The following SCGB2B2 variants were observed in gnomAD, a reference collection of about 807,000 sequenced individuals.
SCGB2B2 encodes secretoglobin-like protein.
Under a neutral mutation model 7.6 loss-of-function variants are expected in SCGB2B2, and 11 were observed. That is an observed-to-expected ratio of 1.45 (90% confidence interval 0.91 to 2.40). The LOEUF is 2.40. Among genes scored for constraint, SCGB2B2 ranks in the 30% most tolerant of loss-of-function variants. The pLI is 0.00. For missense variants in SCGB2B2, 104 were observed against 115.4 expected, an observed-to-expected ratio of 0.90 and a Z score of 0.45; for synonymous variants, 50 against 48.6, an observed-to-expected ratio of 1.03 and a Z score of -0.12.
downstream of SCGB2B2, among the ~76,000 whole-genome samples, chr19:34,590,274 C>T (rs2065266731): frequency 6.6e-6 from 1 of 152,188 alleles, no homozygotes; most frequent in African/African-American, 2.4e-5. Context: ...CCCAGGTGTC[C>T]TCATGTCGTG....
intron 1 of SCGB2B2, chr19:34,608,685 A>ATATATATATATATATATATAT (rs1489127995): frequency 1.3e-4 from 17 of 131,492 alleles, no homozygotes; most frequent in South Asian, 2.6e-4. Context: ...ATATATATAT[A>ATATATATATATATATATATAT]CCGTATTTTC....
At chr19:34,668,687 C>T (rs1568444457) in intron 1 of SCGB2B2, among the ~76,000 whole-genome samples, 4 of 151,942 alleles carry the variant, frequency 2.6e-5, no homozygotes, top group Admixed American at 1.3e-4. Context: ...CTGTGTCTAG[C>T]TCAGGGTTTG....
chr19:34,602,674 C>T (rs1439821132), intron 1 of SCGB2B2, among the ~76,000 whole-genome samples: 3 of 152,230 alleles, frequency 2.0e-5, no homozygotes, highest in Non-Finnish European at 2.9e-5. Context: ...CTGCACCCCT[C>T]TACTGATGGT....
At chr19:34,620,470 T>C (rs28567833) in intron 1 of SCGB2B2, among the ~76,000 whole-genome samples, 15,085 of 128,446 alleles carry the variant, frequency 0.12, 844 homozygotes, top group Middle Eastern at 0.23. Flanking sequence ...TAGGTGGGAA[T>C]TGAACAATGA....
At chr19:34,670,307 T>A (rs1467610248) in intron 1 of SCGB2B2, among the ~76,000 whole-genome samples, 2 of 152,336 alleles carry the variant, frequency 1.3e-5, no homozygotes, top group Middle Eastern at 3.4e-3. Flanking sequence ...TGTTTACCTT[T>A]TCACAAACTG....
At chr19:34,614,246 T>C (rs2066009155) in intron 1 of SCGB2B2, among the ~76,000 whole-genome samples, 1 of 152,172 alleles carries the variant, frequency 6.6e-6, no homozygotes, top group African/African-American at 2.4e-5. Context: ...AGTTCCAACA[T>C]TTATTCACCT....
intron 1 of SCGB2B2, among the ~76,000 whole-genome samples, chr19:34,667,443 C>A (rs2067664864): frequency 6.6e-6 from 1 of 152,166 alleles, no homozygotes; most frequent in Non-Finnish European, 1.5e-5. Flanking sequence ...GGGCCCCACC[C>A]TCCCCAGCTC....
intron 1 of SCGB2B2, among the ~76,000 whole-genome samples, chr19:34,606,960 C>T (rs914824776): frequency 3.9e-5 from 6 of 152,196 alleles, no homozygotes; most frequent in African/African-American, 9.7e-5. Flanking sequence ...GTGGCCACCA[C>T]GCTGTCCATT....
At chr19:34,616,835 T>G (rs571094931) in intron 1 of SCGB2B2, among the ~76,000 whole-genome samples, 61 of 152,256 alleles carry the variant, frequency 4.0e-4, no homozygotes, top group African/African-American at 1.4e-3. Flanking sequence ...GGTTTAAGTC[T>G]TTAATCCATC....
Position 34,594,339 on chromosome 19 carries a change from C to T in SCGB2B2, c.82G>A (p.Asp28Asn), listed in dbSNP as rs191686683. The T allele has an allele frequency of 4.5e-5, 72 of 1,613,910 alleles. 1 individual carries two copies. The highest frequency in any genetic ancestry group is 4.0e-4 in the South Asian group (36 of 91,072). ...VQLGDACLDI[D>N]KLLANVVFDV... Reference sequence around the variant, plus strand: ...AACACAACATTCGCAAGCAGTTTATCGATATCCAGGCAGGCATCCCCTGTG... The same window carrying T: ...AACACAACATTCGCAAGCAGTTTATTGATATCCAGGCAGGCATCCCCTGTG... The change falls in exon 3 of 4, where the codon GAT becomes AAT. Residue 28 changes from aspartate to asparagine, a missense_variant. Coordinates refer to ENST00000601241, the MANE Select transcript of SCGB2B2 (RefSeq NM_001025591.4).
chr19:34,616,675 A>T, intron 1 of SCGB2B2, among the ~76,000 whole-genome samples: 1 of 138,596 alleles, frequency 7.2e-6, no homozygotes, highest in African/African-American at 2.8e-5. Context: ...GCTGTGCAGA[A>T]GCTCTTTAGT....
intron 1 of SCGB2B2, among the ~76,000 whole-genome samples, chr19:34,658,395 C>T (rs943757423): frequency 1.1e-4 from 17 of 151,984 alleles, no homozygotes; most frequent in Non-Finnish European, 1.9e-4. Flanking sequence ...CAAATAGATG[C>T]AATAAAAAAA....
intron 1 of SCGB2B2, among the ~76,000 whole-genome samples, chr19:34,653,929 C>T (rs2067223184): frequency 6.7e-6 from 1 of 150,368 alleles, no homozygotes. Flanking sequence ...CCTACTCGTA[C>T]CACTCGTATT....
At position 34,592,779 on chromosome 19, in the gene SCGB2B2, T is replaced by TGACAA. The variant is rs2065331984; in HGVS notation, c.*775_*776insTTGTC. 3.3e-5 allele frequency among the ~76,000 whole-genome samples: 5 copies of TGACAA among 152,250 alleles called. No individual in the cohort carries two copies. Among genetic ancestry groups the TGACAA allele is most frequent in the Admixed American group, 1.3e-4 (2 of 15,302 alleles). On this transcript the variant is annotated 3_prime_UTR_variant, in exon 4 of 4. Coordinates refer to ENST00000601241, the MANE Select transcript of SCGB2B2 (RefSeq NM_001025591.4). Reference sequence around the variant, plus strand: ...ATGGTGACATGGCCACACAGACCCATGGCCTCATGCAGATTGCCTGGTCCC... The same window carrying TGACAA: ...ATGGTGACATGGCCACACAGACCCATGACAAGGCCTCATGCAGATTGCCTGGTCCC...
rs111294592 is a variant in SCGB2B2 at position 34,653,924 on chromosome 19, T to C, written c.-2032+21706A>G. Among the ~76,000 whole-genome samples, 43 of 150,624 alleles carry C rather than the reference T, an allele frequency of 2.9e-4. 5 individuals carry two copies. Among genetic ancestry groups the C allele is most frequent in the Middle Eastern group, 3.4e-3 (1 of 294 alleles). On this transcript the variant is annotated intron_variant, in intron 1 of 3. Coordinates refer to ENST00000601241, the MANE Select transcript of SCGB2B2 (RefSeq NM_001025591.4). ...TCAGGAACAAGATGAGGATGCCTAC[T>C]CGTACCACTCGTATTTAACATGGTA...
At chr19:34,589,883 T>C (rs527833081), downstream of SCGB2B2, among the ~76,000 whole-genome samples, 32 of 152,142 alleles carry the variant, frequency 2.1e-4, no homozygotes, top group African/African-American at 7.5e-4. Flanking sequence ...GGTGCTGCCA[T>C]GGAGTGCAGG....
At chr19:34,628,328 C>A (rs2066434492) in intron 1 of SCGB2B2, among the ~76,000 whole-genome samples, 1 of 151,904 alleles carries the variant, frequency 6.6e-6, no homozygotes, top group African/African-American at 2.4e-5. Flanking sequence ...TCAATGAATC[C>A]AGGAACTGTT....
chr19:34,598,544 G>A (rs1220828859), intron 1 of SCGB2B2, among the ~76,000 whole-genome samples: 1 of 152,170 alleles, frequency 6.6e-6, no homozygotes, highest in Non-Finnish European at 1.5e-5. Flanking sequence ...GGCTTTTGGG[G>A]TGGTGGGGTC....
At position 34,591,205 on chromosome 19, in the gene SCGB2B2, A is replaced by G. The variant is rs550297450; in HGVS notation, c.*2350T>C. 6.6e-6 allele frequency among the ~76,000 whole-genome samples: 1 copy of G among 152,356 alleles called. No individual in the cohort carries two copies. The highest frequency in any genetic ancestry group is 2.4e-5 in the African/African-American group (1 of 41,592). ...TGGATGTGGGAAACTTATCCAGGCC[A>G]GCATGGGACTCTGGATCTTTGCCCT... On this transcript the variant is annotated 3_prime_UTR_variant, in exon 4 of 4. Transcript: ENST00000601241.
Sources: allele counts gnomAD v4.1 joint callset (sites outside exome capture counted in the v4.1 genomes callset), GRCh38; gene constraint gnomAD v4.1.1; transcripts MANE v1.5; gene names NCBI Gene and HGNC (gene_info 2026-07-23, HGNC 2026-07-21).